The following CADPS2 variants were observed in gnomAD, a reference collection of about 807,000 sequenced individuals.
CADPS2 encodes calcium-dependent secretion activator 2.
Under a neutral mutation model 172.5 loss-of-function variants are expected in CADPS2, and 93 were observed. The ratio of observed to expected loss-of-function variants is 0.54; its 90% CI spans 0.46 to 0.64. The LOEUF (loss-of-function observed/expected upper bound fraction) is 0.64, where lower values mean the gene tolerates loss of function less well. Among genes scored for constraint, CADPS2 ranks in the 30% least tolerant of loss-of-function variants. CADPS2 has a pLI of 0.00. For synonymous variants in CADPS2, 546 were observed against 555.2 expected (o/e 0.98, Z 0.23); for missense variants, 1,420 against 1,565.9 (o/e 0.91, Z 1.57).
intron 6 of CADPS2, among the ~76,000 whole-genome samples, chr7:122,595,099 A>T (rs2071542909): frequency 6.6e-6 from 1 of 151,802 alleles, no homozygotes; most frequent in East Asian, 1.9e-4. Flanking sequence ...TGCCTATGTG[A>T]GAATCTCAAC....
intron 2 of CADPS2, chr7:122,702,634 T>C (rs752134406): frequency 7.4e-6 from 12 of 1,613,494 alleles, no homozygotes; most frequent in East Asian, 6.7e-5. Context: ...TCAGGTGAGC[T>C]GTCCAAATGG....
intron 1 of CADPS2, among the ~76,000 whole-genome samples, chr7:122,849,326 A>G (rs1812883485): frequency 6.6e-6 from 1 of 152,242 alleles, no homozygotes; most frequent in African/African-American, 2.4e-5. Context: ...TTGCTTAGTC[A>G]AAAATCACCA....
chr7:122,832,670 G>T (rs974297122), intron 1 of CADPS2, among the ~76,000 whole-genome samples: 1 of 152,168 alleles, frequency 6.6e-6, no homozygotes, highest in African/African-American at 2.4e-5. Context: ...CATCACATAT[G>T]TTAAACTGAG....
chr7:122,649,038 T>C (rs2078860720), intron 3 of CADPS2, among the ~76,000 whole-genome samples: 1 of 151,894 alleles, frequency 6.6e-6, no homozygotes, highest in Admixed American at 6.6e-5. Context: ...CCTCAATTTG[T>C]TCCAGTCATT....
intron 14 of CADPS2, among the ~76,000 whole-genome samples, chr7:122,464,898 C>T (rs1343462828): frequency 1.3e-5 from 2 of 152,182 alleles, no homozygotes; most frequent in East Asian, 3.9e-4. Flanking sequence ...TCAGTTAATA[C>T]TAGTGTGCCA....
At position 122,490,082 on chromosome 7, in the gene CADPS2, A is replaced by G; in HGVS notation, c.1851T>C (p.Leu617=). 1.2e-6 allele frequency: 2 copies of G among 1,613,026 alleles called. No individual in the cohort carries two copies. Among genetic ancestry groups the G allele is most frequent in the Non-Finnish European group, 1.7e-6 (2 of 1,179,302 alleles). The stretch of plus-strand genomic sequence containing the variant: ...AAATTATTTTTTAACAAAACTTACA[A>G]AGCTGAGCATCTGCATGGAGAGTTC... ...KGGTLHADAQ[L]SGKDADRFQK... is the part of the protein sequence containing the mutation. The change falls in exon 11 of 30, where the codon CTT becomes CTC. Residue 617 remains leucine, a splice_region_variant and synonymous_variant. Transcript: ENST00000449022.
chr7:122,875,415 G>A (rs531337447), intron 1 of CADPS2, among the ~76,000 whole-genome samples: 2 of 151,932 alleles, frequency 1.3e-5, no homozygotes, highest in Non-Finnish European at 2.9e-5. Context: ...AAATATGGCT[G>A]GAAATGCAAA....
intron 1 of CADPS2, among the ~76,000 whole-genome samples, chr7:122,738,607 T>G (rs1364069747): frequency 6.6e-6 from 1 of 152,054 alleles, no homozygotes; most frequent in Non-Finnish European, 1.5e-5. Flanking sequence ...ATAAAATGAT[T>G]AAAGGATTAG....
intron 1 of CADPS2, among the ~76,000 whole-genome samples, chr7:122,847,884 G>A (rs1812456403): frequency 6.6e-6 from 1 of 152,186 alleles, no homozygotes; most frequent in Non-Finnish European, 1.5e-5. Context: ...TAAAGTACTT[G>A]TTAAACAAAT....
chr7:122,707,228 C>A (rs916002608), intron 2 of CADPS2, among the ~76,000 whole-genome samples: 1 of 151,910 alleles, frequency 6.6e-6, no homozygotes, highest in Admixed American at 6.6e-5. Flanking sequence ...AATGGGGACA[C>A]AACATGGCTC....
Position 122,319,238 on chromosome 7 carries a change from C to T in CADPS2, c.*927G>A, listed in dbSNP as rs1274133258. 5.3e-5 allele frequency: 8 copies of T among 152,130 alleles called. No individual in the cohort carries two copies. The highest frequency in any genetic ancestry group is 1.9e-4 in the African/African-American group (8 of 41,420). The allele number at this position is 152,130 out of a possible 1,614,324, so 9.4% of individuals were successfully genotyped here. On this transcript the variant is annotated 3_prime_UTR_variant, in exon 30 of 30. Coordinates refer to ENST00000449022, the MANE Select transcript of CADPS2 (RefSeq NM_017954.11). ...TAGGTACAAAGAACAGTCAGTGTTA[C>T]TATCTTTTACTCATTTGATTAAAAA...
chr7:122,769,788 C>G (rs904453840), intron 1 of CADPS2, among the ~76,000 whole-genome samples: 1 of 152,168 alleles, frequency 6.6e-6, no homozygotes, highest in East Asian at 1.9e-4. Context: ...CAATTGTTGA[C>G]TGTGTAACCT....
intron 6 of CADPS2, among the ~76,000 whole-genome samples, chr7:122,600,702 T>C (rs2133461983): frequency 6.6e-6 from 1 of 152,228 alleles, no homozygotes; most frequent in Middle Eastern, 3.4e-3. Flanking sequence ...CATGAGTTTG[T>C]TCAGAGCTGA....
rs1463603751 is a variant in CADPS2, at chr7:122,318,650, TAG to T, written c.*1513_*1514del. 6.6e-6 allele frequency: 1 copy of T among 152,140 alleles called. No individual in the cohort carries two copies. Among genetic ancestry groups the T allele is most frequent in the Non-Finnish European group, 1.5e-5 (1 of 68,020 alleles). 9.4% of individuals were successfully genotyped at this position (152,140 alleles called of 1,614,324 possible). A position where few individuals can be genotyped will look rare whatever the true frequency, so the allele number is the denominator to read the frequency against. ...CTGCCTTTCAAAGATAGTGAGTTGGTAGAGTTAGTCTTTAATCCCGGAAGAAG... is the reference window on the plus strand; with the variant it reads ...CTGCCTTTCAAAGATAGTGAGTTGGTAGTTAGTCTTTAATCCCGGAAGAAG... On this transcript the variant is annotated 3_prime_UTR_variant, in exon 30 of 30. Coordinates refer to ENST00000449022, the MANE Select transcript of CADPS2 (RefSeq NM_017954.11).
At chr7:122,657,660 G>T (rs1281908853) in intron 3 of CADPS2, among the ~76,000 whole-genome samples, 1 of 152,132 alleles carries the variant, frequency 6.6e-6, no homozygotes, top group Admixed American at 6.5e-5. Flanking sequence ...CATTGATTTT[G>T]TATCCTGAGA....
intron 1 of CADPS2, among the ~76,000 whole-genome samples, chr7:122,747,211 C>A (rs2092755178): frequency 6.6e-6 from 1 of 152,046 alleles, no homozygotes. Context: ...TTCCCCCCAA[C>A]ACCCAGCCAC....
At chr7:122,735,524 A>AT (rs1345237215) in intron 2 of CADPS2, among the ~76,000 whole-genome samples, 3 of 152,114 alleles carry the variant, frequency 2.0e-5, no homozygotes, top group East Asian at 3.9e-4. Context: ...TATTCTGTTG[A>AT]AATGTGTGCC....
chr7:122,830,773 ATC>A (rs1273504667), intron 1 of CADPS2, among the ~76,000 whole-genome samples: 2 of 152,186 alleles, frequency 1.3e-5, no homozygotes, highest in Non-Finnish European at 2.9e-5. Flanking sequence ...ATAACAAAAT[ATC>A]TCTTTTAGCT....
chr7:122,596,222 A>G (rs1284504466), intron 6 of CADPS2, among the ~76,000 whole-genome samples: 1 of 152,118 alleles, frequency 6.6e-6, no homozygotes, highest in Non-Finnish European at 1.5e-5. Flanking sequence ...CAGGCTTTTA[A>G]GCTCAAGAAC....
Sources: gnomAD v4.1 joint callset for allele counts (sites outside exome capture counted in the v4.1 genomes callset) on GRCh38, gnomAD v4.1.1 for gene constraint, MANE v1.5 for transcripts, NCBI Gene and HGNC (gene_info 2026-07-23, HGNC 2026-07-21) for gene names.